SLC39A11: variants seen among roughly 807,000 people sequenced by gnomAD.
The protein encoded by SLC39A11 is solute carrier family 39 member 11.
A neutral mutation model predicts 36.1 loss-of-function variants in SLC39A11; 33 were observed. The ratio of observed to expected loss-of-function variants is 0.91; its 90% confidence interval spans 0.69 to 1.22. The LOEUF is 1.22. SLC39A11 is among the 50% of genes most tolerant of loss of function. SLC39A11 has a pLI of 0.00. For synonymous variants in SLC39A11, 166 were observed against 170.3 expected, an observed-to-expected ratio of 0.97 and a Z score of 0.20; for missense variants, 432 against 430.3, an observed-to-expected ratio of 1.00 and a Z score of -0.03.
intron 5 of SLC39A11, among the ~76,000 whole-genome samples, chr17:72,898,518 A>C (rs143377450): frequency 1.1e-3 from 173 of 152,292 alleles, no homozygotes; most frequent in African/African-American, 3.9e-3. Flanking sequence ...AATGGTGAAA[A>C]ACTTCTGCTG....
chr17:72,692,500 T>C (rs7501881), intron 7 of SLC39A11, among the ~76,000 whole-genome samples: 137,034 of 152,184 alleles, frequency 0.9, 61,743 homozygotes, highest in East Asian at 0.95. Flanking sequence ...TCTTACATGG[T>C]GGCAGCAAGA....
intron 5 of SLC39A11, among the ~76,000 whole-genome samples, chr17:72,934,799 T>C (rs560737265): frequency 6.6e-6 from 1 of 152,120 alleles, no homozygotes; most frequent in South Asian, 2.1e-4. Context: ...CATTAGTCAT[T>C]AGGGAAATAC....
At chr17:72,913,831 T>C (rs1197035005) in intron 5 of SLC39A11, among the ~76,000 whole-genome samples, 1 of 152,164 alleles carries the variant, frequency 6.6e-6, no homozygotes, top group Non-Finnish European at 1.5e-5. Context: ...TCTTCTGTTC[T>C]ATATTCTTCA....
At chr17:72,677,017 A>G (rs4239154) in intron 7 of SLC39A11, among the ~76,000 whole-genome samples, 127,137 of 152,178 alleles carry the variant, frequency 0.84, 53,230 homozygotes, top group African/African-American at 0.87. Flanking sequence ...GCTTCTCACT[A>G]GAATACATCT....
At chr17:72,862,169 C>A (rs773473831) in intron 5 of SLC39A11, among the ~76,000 whole-genome samples, 24 of 152,060 alleles carry the variant, frequency 1.6e-4, no homozygotes, top group Non-Finnish European at 3.1e-4. Context: ...AGTGCTATGC[C>A]AAGATGCCCA....
intron 5 of SLC39A11, among the ~76,000 whole-genome samples, chr17:72,931,445 C>A (rs888686618): frequency 6.6e-6 from 1 of 152,172 alleles, no homozygotes; most frequent in Admixed American, 6.5e-5. Context: ...TGGGACTGTG[C>A]CTCGAAGGCT....
At chr17:73,003,876 A>G (rs1193712217) in intron 4 of SLC39A11, among the ~76,000 whole-genome samples, 1 of 152,118 alleles carries the variant, frequency 6.6e-6, no homozygotes, top group African/African-American at 2.4e-5. Context: ...ACCCGAGGTC[A>G]GGAGTTTGAG....
chr17:72,818,716 T>A (rs1162277074), intron 6 of SLC39A11: 1 of 152,148 alleles, frequency 6.6e-6, no homozygotes, highest in African/African-American at 2.4e-5. Context: ...GACTCAGTCA[T>A]CCCAGAAATT....
chr17:73,069,825 T>C (rs1435491608), intron 3 of SLC39A11, among the ~76,000 whole-genome samples: 1 of 152,240 alleles, frequency 6.6e-6, no homozygotes, highest in Non-Finnish European at 1.5e-5. Context: ...TGATGTCAGC[T>C]ACTCCCTATT....
At chr17:72,745,514 G>C (rs2074896235) in intron 6 of SLC39A11, among the ~76,000 whole-genome samples, 1 of 152,148 alleles carries the variant, frequency 6.6e-6, no homozygotes, top group South Asian at 2.1e-4. Flanking sequence ...CATTCCTCTT[G>C]GGTGGTTTTC....
chr17:73,081,308 A>T (rs2060502155), intron 3 of SLC39A11, among the ~76,000 whole-genome samples: 1 of 152,162 alleles, frequency 6.6e-6, no homozygotes. Flanking sequence ...ATAATGAAAA[A>T]ATCAGAATAT....
Position 73,004,232 on chromosome 17 carries a change from A to AAAAGAAAGAAAGAAAGAAAG in SLC39A11, c.306+27323_306+27324insCTTTCTTTCTTTCTTTCTTT, listed in dbSNP as rs59543378. Among the ~76,000 whole-genome samples the AAAAGAAAGAAAGAAAGAAAG allele has an allele frequency of 2.1e-4, 19 of 88,710 alleles. 3 individuals carry two copies. The highest frequency in any genetic ancestry group is 7.6e-4 in the African/African-American group (18 of 23,716). 58.2% of individuals were successfully genotyped at this position (88,710 alleles called of 152,430 possible). A position where few individuals can be genotyped will look rare whatever the true frequency, so the allele number is the denominator to read the frequency against. On this transcript the variant is annotated intron_variant, in intron 4 of 9. Transcript: ENST00000255559. ...GAAAGAAAGAAAGAAAGAAAGAAAG[A>AAAAGAAAGAAAGAAAGAAAG]AAAGAAAGAAAGAGAAAAAGCAAGC... is the stretch of plus-strand genomic sequence containing the variant.
chr17:72,817,279 G>C (rs1249966997), intron 6 of SLC39A11, among the ~76,000 whole-genome samples: 1 of 146,342 alleles, frequency 6.8e-6, no homozygotes, highest in Non-Finnish European at 1.5e-5. Flanking sequence ...TGGCAAGAGA[G>C]GAAGCATGAG....
intron 7 of SLC39A11, among the ~76,000 whole-genome samples, chr17:72,679,705 G>T (rs560175673): frequency 1.9e-4 from 29 of 152,318 alleles, no homozygotes; most frequent in Admixed American, 1.5e-3. Context: ...GGATGGCCTG[G>T]TGGGAGGTGG....
chr17:73,074,329 G>A (rs188662925), intron 3 of SLC39A11, among the ~76,000 whole-genome samples: 1 of 126,732 alleles, frequency 7.9e-6, no homozygotes, highest in African/African-American at 3.1e-5. Context: ...ACAGAGTCTT[G>A]CTCTGTCACC....
intron 6 of SLC39A11, among the ~76,000 whole-genome samples, chr17:72,810,168 C>CA (rs1212607700): frequency 6.6e-6 from 1 of 151,746 alleles, no homozygotes; most frequent in East Asian, 1.9e-4. Context: ...TATCTTTCCC[C>CA]AATTCTCAAA....
At chr17:72,715,296 G>A (rs923611681) in intron 7 of SLC39A11, among the ~76,000 whole-genome samples, 2 of 152,196 alleles carry the variant, frequency 1.3e-5, no homozygotes, top group African/African-American at 4.8e-5. Context: ...GCCTCTTCTG[G>A]CCATATACCC....
At chr17:72,911,172 G>A (rs2082970848) in intron 5 of SLC39A11, among the ~76,000 whole-genome samples, 1 of 151,970 alleles carries the variant, frequency 6.6e-6, no homozygotes, top group Non-Finnish European at 1.5e-5. Flanking sequence ...CGGATTTAGA[G>A]ATGAACCAGT....
rs980380985 is a variant in SLC39A11, at chr17:73,011,240, G to A, written c.306+20316C>T. The stretch of plus-strand genomic sequence containing the variant: ...GAAGAGAGTCTGGCAAAACACCGCA[G>A]AGGCGGTGCCCCAGGCAGAGCTGGC... On this transcript the variant is annotated intron_variant, in intron 4 of 9. Coordinates refer to ENST00000255559, the MANE Select transcript of SLC39A11 (RefSeq NM_139177.4). Among the ~76,000 whole-genome samples, 43 of 152,248 alleles carry A rather than the reference G, an allele frequency of 2.8e-4. 2 individuals carry two copies.
Sources: gnomAD v4.1 joint callset for allele counts (sites outside exome capture counted in the v4.1 genomes callset) on GRCh38, gnomAD v4.1.1 for gene constraint, MANE v1.5 for transcripts, NCBI Gene and HGNC (gene_info 2026-07-23, HGNC 2026-07-21) for gene names.